CDKN2B-AS1: variants seen among roughly 807,000 people sequenced by gnomAD.
CDKN2B-AS1 encodes CDKN2B antisense RNA 1 (non-protein coding).
At chr9:22,004,912 C>G (rs968052850) in intron 1 of CDKN2B-AS1, 3 of 233,244 alleles carry the variant, frequency 1.3e-5, no homozygotes, top group African/African-American at 6.6e-5. Context: ...AGAAAGCAAT[C>G]TAGGCGTTTG....
intron 1 of CDKN2B-AS1, chr9:22,003,374 C>A: frequency 4.5e-6 from 1 of 224,474 alleles, no homozygotes; most frequent in Non-Finnish European, 8.9e-6. Context: ...ATCAGGTTGT[C>A]ATTAGGAAAG....
intron 4 of CDKN2B-AS1, among the ~76,000 whole-genome samples, chr9:22,059,508 G>A (rs1159733884): frequency 1.3e-5 from 2 of 152,180 alleles, no homozygotes; most frequent in Admixed American, 1.3e-4. Flanking sequence ...GGCTTTGCAG[G>A]GTACAGCCTC....
At chr9:22,104,373 C>T (rs192692481) in intron 4 of CDKN2B-AS1, among the ~76,000 whole-genome samples, 33 of 152,290 alleles carry the variant, frequency 2.2e-4, no homozygotes, top group African/African-American at 7.9e-4. Context: ...ATCCTGCCAT[C>T]TGGTTTGGAT....
intron 1 of CDKN2B-AS1, among the ~76,000 whole-genome samples, chr9:22,034,799 G>A (rs1452992429): frequency 6.6e-6 from 1 of 152,104 alleles, no homozygotes; most frequent in Non-Finnish European, 1.5e-5. Context: ...GACAATACAT[G>A]AATGAAGGAG....
At chr9:22,102,308 A>C (rs1024926639) in intron 4 of CDKN2B-AS1, among the ~76,000 whole-genome samples, 8 of 152,200 alleles carry the variant, frequency 5.3e-5, no homozygotes, top group African/African-American at 1.7e-4. Flanking sequence ...TCTCTGCTAG[A>C]TGGCTTGCTC....
chr9:22,005,569 C>T lies in CDKN2B-AS1; in HGVS notation n.29+10408C>T, dbSNP rs763396728. 2 of 397,544 alleles carry T rather than the reference C, an allele frequency of 5.0e-6. No homozygotes were observed. Among genetic ancestry groups the T allele is most frequent in the Non-Finnish European group, 9.3e-6 (2 of 214,188 alleles). 24.6% of individuals were successfully genotyped at this position (397,544 alleles called of 1,614,324 possible). On this transcript the variant is annotated intron_variant and non_coding_transcript_variant, in intron 1 of 4. Transcript: ENST00000650946. The surrounding 1 kb of genome is among the most constrained non-coding windows in gnomAD (Gnocchi z 4.9). ...TCAGCAGACATTGGAGTGAACGCAT[C>T]GACTGCCGTCACCCAAGTGCTAATC...
chr9:22,089,727 G>A (rs188675302), intron 4 of CDKN2B-AS1, among the ~76,000 whole-genome samples: 68 of 152,148 alleles, frequency 4.5e-4, no homozygotes, highest in Non-Finnish European at 5.0e-4. Flanking sequence ...TGGAGTTATA[G>A]GCATGAGCTA....
At chr9:22,098,891 T>C (rs1825382501) in intron 4 of CDKN2B-AS1, among the ~76,000 whole-genome samples, 1 of 152,178 alleles carries the variant, frequency 6.6e-6, no homozygotes, top group South Asian at 2.1e-4. Flanking sequence ...ATCCAATAAA[T>C]GCTTACTGAA....
Position 22,005,112 on chromosome 9 carries a change from A to ATGTGTGTGTGTGTG in CDKN2B-AS1, n.29+9968_29+9981dup, listed in dbSNP as rs3028393. The ATGTGTGTGTGTGTG allele has an allele frequency of 7.1e-4, 161 of 225,450 alleles. 2 individuals carry two copies. In the East Asian group the frequency reaches 7.8e-3, roughly 11 times the overall value. 14.0% of individuals were successfully genotyped at this position (225,450 alleles called of 1,614,324 possible). Reference sequence around the variant, plus strand: ...CATAAGGGGATTTCCGCATCCTAGCATGTGTGTGTGTGTGTGTGTGTGTGT... The same window carrying ATGTGTGTGTGTGTG: ...CATAAGGGGATTTCCGCATCCTAGCATGTGTGTGTGTGTGTGTGTGTGTGTGTGTGTGTGTGTGT... On this transcript the variant is annotated intron_variant and non_coding_transcript_variant, in intron 1 of 4. Transcript: ENST00000650946. The surrounding 1 kb of genome is among the most constrained non-coding windows in gnomAD (Gnocchi z 4.9).
At chr9:22,077,956 C>T (rs1262738177) in intron 4 of CDKN2B-AS1, 1 of 152,048 alleles carries the variant, frequency 6.6e-6, no homozygotes, top group African/African-American at 2.4e-5. Context: ...TTACCATAGA[C>T]CATAATTTTT....
chr9:22,114,361 G>A (rs750573214), intron 4 of CDKN2B-AS1, among the ~76,000 whole-genome samples: 1 of 152,146 alleles, frequency 6.6e-6, no homozygotes, highest in African/African-American at 2.4e-5. Context: ...GTTAGTTCAG[G>A]TCCTCTGAGA....
At chr9:22,070,807 A>T (rs1824256404) in intron 4 of CDKN2B-AS1, among the ~76,000 whole-genome samples, 1 of 152,230 alleles carries the variant, frequency 6.6e-6, no homozygotes, top group African/African-American at 2.4e-5. Flanking sequence ...TAAGATAGAC[A>T]TTAACAGAAG....
intron 1 of CDKN2B-AS1, among the ~76,000 whole-genome samples, chr9:22,009,520 G>A (rs1821393528): frequency 6.6e-6 from 1 of 152,250 alleles, no homozygotes. Context: ...TGCACTGCTC[G>A]CTGGATGTCC....
At chr9:22,118,913 A>G (rs2131375112) in intron 4 of CDKN2B-AS1, 1 of 152,314 alleles carries the variant, frequency 6.6e-6, no homozygotes, top group East Asian at 1.9e-4. Flanking sequence ...TATCATGAAA[A>G]TGATTAAAGA....
chr9:22,038,404 C>T (rs761243061), intron 1 of CDKN2B-AS1, among the ~76,000 whole-genome samples: 92 of 151,800 alleles, frequency 6.1e-4, no homozygotes, highest in Non-Finnish European at 1.2e-3. Flanking sequence ...ATTTTGCCAG[C>T]GCAGATTTGA....
chr9:22,082,317 CTG>C (rs779833490), intron 4 of CDKN2B-AS1, among the ~76,000 whole-genome samples: 17 of 152,180 alleles, frequency 1.1e-4, no homozygotes, highest in Non-Finnish European at 2.4e-4. Flanking sequence ...AGCAGCATAA[CTG>C]TGTTTTGATT....
Position 21,999,414 on chromosome 9 carries a change from CAT to C in CDKN2B-AS1, n.29+4259_29+4260del, listed in dbSNP as rs1476691163. Among the ~76,000 whole-genome samples the C allele has an allele frequency of 1.3e-5, 2 of 151,580 alleles. No individual in the cohort carries two copies. Among genetic ancestry groups the C allele is most frequent in the Non-Finnish European group, 2.9e-5 (2 of 67,868 alleles). On this transcript the variant is annotated intron_variant and non_coding_transcript_variant, in intron 1 of 4. Transcript: ENST00000650946. The surrounding 1 kb of genome is among the most constrained non-coding windows in gnomAD (Gnocchi z 4.7). Reference sequence around the variant, plus strand: ...CTATTCCTATAACTCATGTATGTAACATATATAATACATATCTTTATATACAC... The same window carrying C: ...CTATTCCTATAACTCATGTATGTAACATATAATACATATCTTTATATACAC...
At chr9:22,083,409 C>T (rs1017140250) in intron 4 of CDKN2B-AS1, among the ~76,000 whole-genome samples, 13 of 152,068 alleles carry the variant, frequency 8.5e-5, no homozygotes, top group African/African-American at 1.7e-4. Flanking sequence ...AGAATGCTAC[C>T]GCTGGGACAG....
intron 1 of CDKN2B-AS1, among the ~76,000 whole-genome samples, chr9:22,031,582 T>G (rs1480312014): frequency 6.6e-6 from 1 of 152,210 alleles, no homozygotes; most frequent in Non-Finnish European, 1.5e-5. Flanking sequence ...AAATTTTTTG[T>G]ATTTAGACCT....
Sources: gnomAD v4.1 joint callset for allele counts (sites outside exome capture counted in the v4.1 genomes callset) on GRCh38, gnomAD v4.1.1 for gene constraint, Gnocchi (gnomAD v3.1) non-coding constraint, MANE v1.5 for transcripts, NCBI Gene and HGNC (gene_info 2026-07-23, HGNC 2026-07-21) for gene names.